Variants in ANTXR2 observed in about 807,000 individuals in gnomAD.
ANTXR2 encodes the protein anthrax toxin receptor 2.
Under a neutral mutation model 73.7 loss-of-function variants are expected in ANTXR2, and 44 were observed. That is an observed-to-expected ratio of 0.60 (90% CI 0.47 to 0.77). The LOEUF (loss-of-function observed/expected upper bound fraction) is 0.77. Among genes scored for constraint, ANTXR2 ranks in the 30% least tolerant of loss-of-function variants. The pLI is 0.00. For missense variants in ANTXR2, 604 were observed against 592.5 expected (o/e 1.02, Z -0.20); for synonymous variants, 217 against 205.9 (o/e 1.05, Z -0.46).
chr4:80,020,883 T>C (rs1295062528), intron 10 of ANTXR2, among the ~76,000 whole-genome samples: 1 of 152,160 alleles, frequency 6.6e-6, no homozygotes. Flanking sequence ...TTAGCTAGGC[T>C]GGGCGCAGTG....
In ANTXR2 at chr4:79,904,402, G is replaced by A. The variant is rs1333013499; in HGVS notation, c.*3027C>T. 1 of 152,032 alleles carries A rather than the reference G, an allele frequency of 6.6e-6. No individual in the cohort carries two copies. The allele number at this position is 152,032 out of a possible 1,614,324, so 9.4% of individuals were successfully genotyped here. ...CAGATGCTGCTCCCTAGTCAATGGA[G>A]GGTCTCAAATTTTACTCTGCATCTC... On this transcript the variant is annotated 3_prime_UTR_variant, in exon 17 of 17. Coordinates refer to ENST00000403729, the MANE Select transcript of ANTXR2 (RefSeq NM_058172.6).
intron 16 of ANTXR2, among the ~76,000 whole-genome samples, chr4:79,947,175 T>A (rs1728546440): frequency 6.6e-6 from 1 of 152,178 alleles, no homozygotes; most frequent in Non-Finnish European, 1.5e-5. Context: ...TCCTTCAAAT[T>A]TAAGGCTAAA....
chr4:79,962,044 A>T (rs1729165411), intron 16 of ANTXR2, among the ~76,000 whole-genome samples: 1 of 152,208 alleles, frequency 6.6e-6, no homozygotes, highest in South Asian at 2.1e-4. Flanking sequence ...TTAAATGATT[A>T]AATTTTGCAT....
chr4:79,901,267 A>G lies in ANTXR2; in HGVS notation c.*6162T>C, dbSNP rs1439241503. On this transcript the variant is annotated 3_prime_UTR_variant, in exon 17 of 17. Coordinates refer to ENST00000403729, the MANE Select transcript of ANTXR2 (RefSeq NM_058172.6). ...AGGTGTCATCTGCTAGAACTAGTCA[A>G]TCTTGTTTTATATTGTGAGTTTTTC... 1 of 152,132 alleles carries G rather than the reference A, an allele frequency of 6.6e-6. No individual in the cohort carries two copies. Among genetic ancestry groups the G allele is most frequent in the African/African-American group, 2.4e-5 (1 of 41,436 alleles). The allele number at this position is 152,132 out of a possible 1,614,324, so 9.4% of individuals were successfully genotyped here.
chr4:80,000,250 G>A (rs1730965339), intron 12 of ANTXR2, among the ~76,000 whole-genome samples: 1 of 151,780 alleles, frequency 6.6e-6, no homozygotes, highest in Admixed American at 6.6e-5. Flanking sequence ...ATTTCCCATT[G>A]TATATATATT....
chr4:79,962,144 A>C (rs1181937233), intron 16 of ANTXR2, among the ~76,000 whole-genome samples: 1 of 152,212 alleles, frequency 6.6e-6, no homozygotes, highest in Non-Finnish European at 1.5e-5. Context: ...TGAAACTAAG[A>C]AATGTTATCA....
chr4:80,009,297 A>G (rs1167950098), intron 11 of ANTXR2, among the ~76,000 whole-genome samples: 1 of 151,856 alleles, frequency 6.6e-6, no homozygotes, highest in Non-Finnish European at 1.5e-5. Context: ...AAAACCACCT[A>G]CTCATTTTAC....
chr4:79,930,749 T>A (rs1728024974), intron 16 of ANTXR2, among the ~76,000 whole-genome samples: 1 of 152,190 alleles, frequency 6.6e-6, no homozygotes, highest in Non-Finnish European at 1.5e-5. Context: ...CTGTTTCTAA[T>A]TTGGAAGCAG....
chr4:80,032,189 T>C (rs914400651), intron 9 of ANTXR2, among the ~76,000 whole-genome samples: 3 of 151,834 alleles, frequency 2.0e-5, no homozygotes, highest in African/African-American at 7.2e-5. Flanking sequence ...AAAAAAATGA[T>C]TTAGACTAAA....
Position 80,072,505 on chromosome 4 carries a change from A to T in ANTXR2, c.56T>A (p.Leu19Gln). ...GGGACCGCTGAGCACCAACAGCCAC[A>T]GCCCGGGGAACAGCCAGCTCCCGGG... ...RSPGSWLFPGLWLLVLSGPGG... is the reference protein window; with the variant it reads ...RSPGSWLFPGQWLLVLSGPGG... Residue 19 changes from leucine (L) to glutamine (Q), a missense_variant, in exon 1 of 17, where the codon CTG (leucine) becomes CAG (glutamine). Coordinates refer to ENST00000403729, the MANE Select transcript of ANTXR2 (RefSeq NM_058172.6). 6.2e-7 allele frequency: 1 copy of T among 1,605,472 alleles called. No individual in the cohort carries two copies.
At chr4:79,977,497 C>T (rs944327907) in intron 16 of ANTXR2, 124 bp downstream of exon 16, 14 of 1,480,516 alleles carry the variant, frequency 9.5e-6, no homozygotes, top group Middle Eastern at 1.8e-4. Flanking sequence ...GAAATCTACA[C>T]TTGACAGTAT....
intron 7 of ANTXR2, among the ~76,000 whole-genome samples, chr4:80,042,967 C>T (rs1302096255): frequency 2.0e-5 from 3 of 151,942 alleles, no homozygotes; most frequent in Admixed American, 1.3e-4. Context: ...AGGAGGAATC[C>T]GTCTAGGCAA....
At chr4:79,988,002 A>G (rs1231001923) in intron 12 of ANTXR2, among the ~76,000 whole-genome samples, 1 of 151,930 alleles carries the variant, frequency 6.6e-6, no homozygotes, top group African/African-American at 2.4e-5. Context: ...CTGCCACCAC[A>G]AAAACACACT....
chr4:80,000,522 C>A (rs1480106201), intron 12 of ANTXR2, among the ~76,000 whole-genome samples: 1 of 152,008 alleles, frequency 6.6e-6, no homozygotes, highest in Non-Finnish European at 1.5e-5. Flanking sequence ...AGGTAGAATA[C>A]ACACAGTACC....
At chr4:80,062,170 G>C (rs1290912248) in intron 3 of ANTXR2, among the ~76,000 whole-genome samples, 1 of 152,100 alleles carries the variant, frequency 6.6e-6, no homozygotes, top group Non-Finnish European at 1.5e-5. Flanking sequence ...CCAGAGTCCA[G>C]ACCAGCAAAT....
intron 16 of ANTXR2, among the ~76,000 whole-genome samples, chr4:79,961,032 G>A (rs1729120667): frequency 6.6e-6 from 1 of 151,750 alleles, no homozygotes; most frequent in Admixed American, 6.6e-5. Flanking sequence ...CTTATAAATG[G>A]GGTTCTGGTA....
At chr4:79,978,204 A>G in intron 14 of ANTXR2, 30 bp from the exon 15 acceptor site, 1 of 1,605,514 alleles carries the variant, frequency 6.2e-7, no homozygotes, top group Non-Finnish European at 8.5e-7. Flanking sequence ...TACTGTTATC[A>G]GACATAAAGT....
chr4:79,992,313 G>A (rs955749117), intron 12 of ANTXR2, among the ~76,000 whole-genome samples: 1 of 151,780 alleles, frequency 6.6e-6, no homozygotes, highest in Non-Finnish European at 1.5e-5. Flanking sequence ...TTAGAGAACT[G>A]ACCCATAATT....
At chr4:80,000,756 A>G (rs116620843) in intron 12 of ANTXR2, among the ~76,000 whole-genome samples, 3 of 152,268 alleles carry the variant, frequency 2.0e-5, no homozygotes, top group African/African-American at 7.2e-5. Flanking sequence ...TAAAACTGGT[A>G]CAGCTAACCA....
Sources: allele counts gnomAD v4.1 joint callset (sites outside exome capture counted in the v4.1 genomes callset), GRCh38; gene constraint gnomAD v4.1.1; transcripts MANE v1.5; gene names NCBI Gene and HGNC (gene_info 2026-07-23, HGNC 2026-07-21).